The following DCTN1 variants were observed in gnomAD, a reference collection of about 807,000 sequenced individuals.
DCTN1 encodes dynactin subunit 1, also known as 150 kDa dynein-associated polypeptide.
Under a neutral mutation model 161.2 loss-of-function variants are expected in DCTN1, and 61 were observed. That is an observed-to-expected ratio of 0.38 (90% CI 0.31 to 0.47). DCTN1 has a LOEUF of 0.47. Among genes scored for constraint, DCTN1 ranks in the 20% least tolerant of loss-of-function variants. DCTN1 has a pLI of 0.99. For synonymous variants in DCTN1, 653 were observed against 632.4 expected (o/e 1.03, Z -0.49); for missense variants, 1,404 against 1,623.7 (o/e 0.86, Z 2.33).
chr2:74,368,024 A>T lies in DCTN1; in HGVS notation c.1962T>A (p.Ala654=). 1 of 1,614,234 alleles carries T rather than the reference A, an allele frequency of 6.2e-7. No individual in the cohort carries two copies. The highest frequency in any genetic ancestry group is 8.5e-7 in the Non-Finnish European group (1 of 1,180,036). The change falls in exon 17 of 32, where the codon GCT becomes GCA. Residue 654 remains alanine, a synonymous_variant. Coordinates refer to ENST00000628224, the MANE Select transcript of DCTN1 (RefSeq NM_004082.5). ...GAAGEQLSFA[A]GLVYSLSLLQ... ...GCAGGCTCAGCGAGTACACCAGTCC[A>T]GCAGCAAAGCTGAGTTGCTCCCCAG...
At chr2:74,383,913 T>A (rs1558952761), upstream of DCTN1, 1 of 152,258 alleles carries the variant, frequency 6.6e-6, no homozygotes, top group Admixed American at 6.5e-5. Flanking sequence ...AAATGGTAGA[T>A]ATCATCTTCA....
intron 8 of DCTN1, 151 bp from the exon 9 acceptor site, chr2:74,371,327 C>G (rs1040722473): frequency 1.3e-6 from 2 of 1,543,436 alleles, no homozygotes; most frequent in Non-Finnish European, 1.8e-6. Context: ...GAGAGGAAAC[C>G]GTAGCACAGT....
intron 1 of DCTN1, among the ~76,000 whole-genome samples, chr2:74,388,718 G>T (rs1675855340): frequency 6.6e-6 from 1 of 152,194 alleles, no homozygotes; most frequent in South Asian, 2.1e-4. Flanking sequence ...ACAGAGGATT[G>T]TATCCATCTC....
Position 74,380,023 on chromosome 2 carries a change from C to A in DCTN1, c.15G>T (p.Lys5Asn). The A allele has an allele frequency of 6.2e-7, 1 of 1,614,194 alleles. No individual in the cohort carries two copies. The highest frequency in any genetic ancestry group is 8.5e-7 in the Non-Finnish European group (1 of 1,180,020). MAQS[K>N]RHVYSRTPSG... ...CACTTACCCGGCTGTACACGTGCCT[C>A]TTGCTCTGTGCCATGTTGCTCACCC... The change falls in exon 1 of 32, where the codon AAG becomes AAT. Residue 5 changes from lysine to asparagine, a missense_variant. Lys to Asn is a moderately conservative substitution (Grantham distance 94). This residue lies in a region of DCTN1 where 53 missense variants were observed against 54.4 expected (regional missense o/e 0.97). Coordinates refer to ENST00000628224, the MANE Select transcript of DCTN1 (RefSeq NM_004082.5).
At position 74,363,112 on chromosome 2, in the gene DCTN1, C is replaced by T. The variant is rs2104395876; in HGVS notation, c.3411G>A (p.Glu1137=). The T allele has an allele frequency of 6.2e-7, 1 of 1,613,942 alleles. No homozygotes were observed. The highest frequency in any genetic ancestry group is 1.3e-5 in the African/African-American group (1 of 75,038). The change falls in exon 29 of 32, where the codon GAG becomes GAA. Residue 1137 remains glutamate (E), a synonymous_variant. Coordinates refer to ENST00000628224, the MANE Select transcript of DCTN1 (RefSeq NM_004082.5). The part of the protein sequence containing the change: ...PPLHVAKLSH[E]GPGSELPAGA... Reference sequence around the variant, plus strand: ...CAGCTGGTAACTCACTGCCAGGGCCCTCATGGGATAGCTTTGCAACATGCA... The same window carrying T: ...CAGCTGGTAACTCACTGCCAGGGCCTTCATGGGATAGCTTTGCAACATGCA...
chr2:74,366,654 G>C, intron 21 of DCTN1, 34 bp from the exon 22 acceptor site: 1 of 1,613,132 alleles, frequency 6.2e-7, no homozygotes, highest in Non-Finnish European at 8.5e-7. Flanking sequence ...AGTCAACCCT[G>C]GGTTCAGCAC....
At chr2:74,391,826 AC>A in exon 1 of DCTN1, 1 of 452,674 alleles carries the variant, frequency 2.2e-6, no homozygotes, top group East Asian at 7.0e-5. Context: ...CCCAGCTCCG[AC>A]CCCACCGACG....
rs1320850328 is a variant in DCTN1, at chr2:74,362,043, C to T, written c.3699+9G>A. ...ACTGTCCCATCCTCCACCCCATGCT[C>T]CCCCTCACCCTGAGGAAGGCTGATG... On this transcript the variant is annotated intron_variant, in intron 31 of 31. Transcript: ENST00000628224. 1 of 1,613,124 alleles carries T rather than the reference C, an allele frequency of 6.2e-7. No homozygotes were observed. The highest frequency in any genetic ancestry group is 8.5e-7 in the Non-Finnish European group (1 of 1,179,476).
At chr2:74,371,416 C>T in intron 8 of DCTN1, 121 bp downstream of exon 8, 2 of 1,272,664 alleles carry the variant, frequency 1.6e-6, no homozygotes, top group East Asian at 5.1e-5. Context: ...TAGGCTATGT[C>T]CTCACCCTTT....
Position 74,370,898 on chromosome 2 carries a change from G to C in DCTN1, c.844-73C>G. ...CAGGCCTTTCTCACAGTATGTTCCA[G>C]GCTCCAGCTCCAGTCTAGTTTCCAG... On this transcript the variant is annotated intron_variant, in intron 9 of 31. Transcript: ENST00000628224. This position sits in a 1 kb window ranked among gnomAD's most constrained non-coding sequence, Gnocchi z 4.4. 6.2e-7 allele frequency: 1 copy of C among 1,613,358 alleles called. No individual in the cohort carries two copies. Among genetic ancestry groups the C allele is most frequent in the Admixed American group, 1.7e-5 (1 of 60,022 alleles).
At position 74,369,204 on chromosome 2, in the gene DCTN1, C is replaced by T. The variant is rs759306485; in HGVS notation, c.1595G>A (p.Arg532Gln). 2.2e-5 allele frequency: 35 copies of T among 1,614,054 alleles called. No individual in the cohort carries two copies. Among genetic ancestry groups the T allele is most frequent in the Admixed American group, 1.0e-4 (6 of 60,002 alleles). ...TGCTTCCTGCTGGTTTGTCAGTTCCCGATTCACATCCTAGGAGGAGAGACA... is the reference window on the plus strand; with the variant it reads ...TGCTTCCTGCTGGTTTGTCAGTTCCTGATTCACATCCTAGGAGGAGAGACA... ...QLTAHLQDVN[R>Q]ELTNQQEASV... The change falls in exon 15 of 32, where the codon CGG becomes CAG. Residue 532 changes from arginine (R) to glutamine (Q), a missense_variant. This residue lies in a region of DCTN1 where 278 missense variants were observed against 363.8 expected (regional missense o/e 0.76). Transcript: ENST00000628224. This position sits in a 1 kb window ranked among gnomAD's most constrained non-coding sequence, Gnocchi z 4.9.
At chr2:74,383,341 T>C (rs1003706084), upstream of DCTN1, among the ~76,000 whole-genome samples, 1 of 152,230 alleles carries the variant, frequency 6.6e-6, no homozygotes, top group African/African-American at 2.4e-5. Context: ...CAAATATTTA[T>C]TGAATAAACA....
At chr2:74,390,282 G>A (rs909266727) in intron 1 of DCTN1, among the ~76,000 whole-genome samples, 2 of 152,188 alleles carry the variant, frequency 1.3e-5, no homozygotes, top group Admixed American at 1.3e-4. Context: ...TTAGGAAGAC[G>A]GGTAACACTT....
intron 1 of DCTN1, chr2:74,391,771 T>C (rs1024952692): frequency 2.2e-6 from 1 of 453,180 alleles, no homozygotes; most frequent in Non-Finnish European, 4.4e-6. Flanking sequence ...GAGCAGACGG[T>C]TGGCAGAGTC....
Position 74,370,934 on chromosome 2 carries a change from T to A in DCTN1, c.843+45A>T, listed in dbSNP as rs1022326989. ...CAGTCTAGTTTCCAGCATGCTTCCT[T>A]AGGTCTCAGGCTGCCCCAGCCACCC... On this transcript the variant is annotated intron_variant, in intron 9 of 31. Coordinates refer to ENST00000628224, the MANE Select transcript of DCTN1 (RefSeq NM_004082.5). The surrounding 1 kb of genome is among the most constrained non-coding windows in gnomAD (Gnocchi z 4.4). The A allele has an allele frequency of 6.2e-6, 10 of 1,613,260 alleles. No individual in the cohort carries two copies. Among genetic ancestry groups the A allele is most frequent in the Non-Finnish European group, 8.5e-6 (10 of 1,180,006 alleles).
rs765678015 is a variant in DCTN1, at chr2:74,363,101, C to T, written c.3422G>A (p.Ser1141Asn). The T allele has an allele frequency of 1.8e-5, 29 of 1,613,652 alleles. No individual in the cohort carries two copies. The highest frequency in any genetic ancestry group is 4.0e-5 in the African/African-American group (3 of 74,922). The change falls in exon 29 of 32, where the codon AGT becomes AAT. Residue 1141 changes from serine to asparagine, a missense_variant. Around this residue, in one of 9 missense-constraint regions of DCTN1, gnomAD observed 311 missense variants for 298.9 expected, o/e 1.04. Coordinates refer to ENST00000628224, the MANE Select transcript of DCTN1 (RefSeq NM_004082.5). ...ATACAGCGCTCCAGCTGGTAACTCA[C>T]TGCCAGGGCCCTCATGGGATAGCTT... ...VAKLSHEGPG[S>N]ELPAGALYRK...
At position 74,370,605 on chromosome 2, in the gene DCTN1, GC is replaced by G; in HGVS notation, c.1048+15del. On this transcript the variant is annotated intron_variant, in intron 10 of 31. Transcript: ENST00000628224. This position sits in a 1 kb window ranked among gnomAD's most constrained non-coding sequence, Gnocchi z 4.4. ...TCACCTGACCGTTTGGCCCCCAGCA[GC>G]TGTGGGCCCCTTACCCTTCTCTTCA... The G allele has an allele frequency of 6.2e-7, 1 of 1,614,110 alleles. No individual in the cohort carries two copies. Among genetic ancestry groups the G allele is most frequent in the Non-Finnish European group, 8.5e-7 (1 of 1,180,044 alleles).
Position 74,378,184 on chromosome 2 carries a change from C to A in DCTN1, c.95G>T (p.Arg32Leu), listed in dbSNP as rs988197992. The A allele has an allele frequency of 1.2e-6, 2 of 1,613,682 alleles. No homozygotes were observed. The highest frequency in any genetic ancestry group is 2.2e-5 in the East Asian group (1 of 44,886). The change falls in exon 2 of 32, where the codon CGT becomes CTT. Residue 32 changes from arginine (R) to leucine (L), a missense_variant. Transcript: ENST00000628224. ...ASARPLRVGS[R>L]VEVIGKGHRG... is the part of the protein sequence containing the mutation. ...GTGGCCTTTTCCAATCACCTCTACA[C>A]GGGAGCCCACCCGCAGAGGCCGGGC...
chr2:74,369,603 T>C lies in DCTN1; in HGVS notation c.1393-112A>G. On this transcript the variant is annotated intron_variant, in intron 13 of 31. Transcript: ENST00000628224. The surrounding 1 kb of genome is among the most constrained non-coding windows in gnomAD (Gnocchi z 4.9). ...AGGTCAAAGCAGGCGGATCATGAGG[T>C]CGAGATCGAGATCATGCTGGCCAAC... 9.5e-7 allele frequency: 1 copy of C among 1,054,274 alleles called. No individual in the cohort carries two copies. The highest frequency in any genetic ancestry group is 1.5e-6 in the Non-Finnish European group (1 of 683,544). 65.3% of individuals were successfully genotyped at this position (1,054,274 alleles called of 1,614,324 possible).
Sources: gnomAD v4.1 joint callset for allele counts (sites outside exome capture counted in the v4.1 genomes callset) on GRCh38, gnomAD v4.1.1 for gene constraint, gnomAD v4.1.1 regional missense constraint, Gnocchi (gnomAD v3.1) non-coding constraint, MANE v1.5 for transcripts, NCBI Gene and HGNC (gene_info 2026-07-23, HGNC 2026-07-21) for gene names.